ATP6V1E1: variants seen among roughly 807,000 people sequenced by gnomAD.
ATP6V1E1 encodes V-type proton ATPase subunit E 1.
Under a neutral mutation model 35.2 loss-of-function variants are expected in ATP6V1E1, and 21 were observed. That is an observed-to-expected ratio of 0.60 (90% CI 0.42 to 0.86). ATP6V1E1 has a LOEUF of 0.86. ATP6V1E1 is among the 40% of genes least tolerant of loss of function. The probability of loss-of-function intolerance (pLI) is 0.00; values close to 1 mark genes in which losing one functional copy is unlikely to be tolerated. For missense variants in ATP6V1E1, 183 were observed against 272.6 expected (o/e 0.67, Z 2.32); for synonymous variants, 83 against 87.8 (o/e 0.95, Z 0.30).
At position 17,600,027 on chromosome 22, in the gene ATP6V1E1, C is replaced by T. The variant is rs200504228; in HGVS notation, c.435G>A (p.Lys145=). The T allele has an allele frequency of 2.6e-4, 418 of 1,612,586 alleles. No individual in the cohort carries two copies. Among genetic ancestry groups the T allele is most frequent in the Non-Finnish European group, 3.4e-4 (405 of 1,178,952 alleles). The change falls in exon 6 of 9, where the codon AAG becomes AAA. Residue 145 remains lysine, a splice_region_variant and synonymous_variant. Coordinates refer to ENST00000253413, the MANE Select transcript of ATP6V1E1 (RefSeq NM_001696.4). ...RCRKQDFPLV[K]AAVQKAIPMY... Reference sequence around the variant, plus strand: ...GAAAAAATTATCCTAAGTTCTTTACCTTTACCAGAGGGAAATCTTGTTTCC... The same window carrying T: ...GAAAAAATTATCCTAAGTTCTTTACTTTTACCAGAGGGAAATCTTGTTTCC...
At chr22:17,594,427 A>G in intron 8 of ATP6V1E1, 102 bp downstream of exon 8, 2 of 950,918 alleles carry the variant, frequency 2.1e-6, no homozygotes, top group Non-Finnish European at 2.9e-6. Context: ...CCAAAACTGG[A>G]AAGACAGCAA....
chr22:17,617,241 A>G (rs2057850852), intron 2 of ATP6V1E1, among the ~76,000 whole-genome samples: 1 of 152,220 alleles, frequency 6.6e-6, no homozygotes, highest in South Asian at 2.1e-4. Context: ...TTAAGGCTGT[A>G]CTAAAAGGAC....
intron 4 of ATP6V1E1, among the ~76,000 whole-genome samples, chr22:17,605,479 G>A (rs2057782000): frequency 6.6e-6 from 1 of 151,974 alleles, no homozygotes; most frequent in Non-Finnish European, 1.5e-5. Context: ...GCAGTGAGCC[G>A]AGATTGCACC....
chr22:17,608,734 T>C (rs1324527617), intron 4 of ATP6V1E1, among the ~76,000 whole-genome samples: 2 of 152,214 alleles, frequency 1.3e-5, no homozygotes, highest in African/African-American at 4.8e-5. Flanking sequence ...GGCTAGCCCA[T>C]CTCTGAAAGA....
chr22:17,616,838 G>A (rs1314651370), intron 2 of ATP6V1E1, among the ~76,000 whole-genome samples: 3 of 66,440 alleles, frequency 4.5e-5, no homozygotes, highest in East Asian at 3.0e-4. Context: ...CACGAGGTCA[G>A]GAGATCGAGA....
intron 4 of ATP6V1E1, among the ~76,000 whole-genome samples, chr22:17,608,284 T>C (rs779933995): frequency 6.6e-6 from 1 of 152,208 alleles, no homozygotes; most frequent in Non-Finnish European, 1.5e-5. Flanking sequence ...AACCAGAATT[T>C]TGTTTGCAAC....
At chr22:17,619,623 C>T (rs903401417) in intron 1 of ATP6V1E1, 97 bp from the exon 2 acceptor site, 15 of 1,056,026 alleles carry the variant, frequency 1.4e-5, no homozygotes, top group African/African-American at 3.2e-5. Context: ...CAGTGGCTCA[C>T]GCCCGTAATC....
intron 3 of ATP6V1E1, 166 bp downstream of exon 3, chr22:17,613,045 G>T: frequency 2.3e-6 from 2 of 887,546 alleles, no homozygotes; most frequent in Non-Finnish European, 3.5e-6. Flanking sequence ...GAATAATCCT[G>T]TCAGGCTTTA....
At chr22:17,592,917 A>T (rs1320425312) in intron 8 of ATP6V1E1, among the ~76,000 whole-genome samples, 181 bp from the exon 9 acceptor site, 1 of 151,662 alleles carries the variant, frequency 6.6e-6, no homozygotes, top group Non-Finnish European at 1.5e-5. Context: ...CCTCCCAAGT[A>T]GATGGGACTA....
At chr22:17,621,876 G>A (rs534471281) in intron 1 of ATP6V1E1, among the ~76,000 whole-genome samples, 1 of 152,172 alleles carries the variant, frequency 6.6e-6, no homozygotes, top group South Asian at 2.1e-4. Flanking sequence ...TGTAATTGTT[G>A]CTTATTTGTC....
chr22:17,601,299 AT>A, intron 4 of ATP6V1E1, 118 bp from the exon 5 acceptor site: 1 of 750,674 alleles, frequency 1.3e-6, no homozygotes, highest in Non-Finnish European at 2.2e-6. Flanking sequence ...CTGGATTTTC[AT>A]TCAACACACA....
chr22:17,615,832 A>G (rs982189208), intron 2 of ATP6V1E1, among the ~76,000 whole-genome samples: 2 of 152,158 alleles, frequency 1.3e-5, no homozygotes, highest in Non-Finnish European at 2.9e-5. Flanking sequence ...GGAGATCAAG[A>G]TCACCCTGGC....
chr22:17,612,317 A>G (rs1259342881), intron 4 of ATP6V1E1, among the ~76,000 whole-genome samples: 2 of 152,164 alleles, frequency 1.3e-5, no homozygotes, highest in African/African-American at 4.8e-5. Flanking sequence ...TATGCTTCTG[A>G]AGGTTTCTGC....
chr22:17,607,744 T>C (rs1250042952), intron 4 of ATP6V1E1, among the ~76,000 whole-genome samples: 3 of 152,162 alleles, frequency 2.0e-5, no homozygotes, highest in Non-Finnish European at 4.4e-5. Context: ...TGCACCAAGA[T>C]TACCCTGAGC....
In ATP6V1E1 at chr22:17,600,044, C is replaced by G; in HGVS notation, c.418G>C (p.Asp140His). 1.2e-6 allele frequency: 2 copies of G among 1,613,788 alleles called. No homozygotes were observed. Among genetic ancestry groups the G allele is most frequent in the Non-Finnish European group, 1.7e-6 (2 of 1,179,836 alleles). ...PRMIVRCRKQ[D>H]FPLVKAAVQK... ...TTCTTTACCTTTACCAGAGGGAAATCTTGTTTCCTGCAACGAACAATCATT... is the reference window on the plus strand; with the variant it reads ...TTCTTTACCTTTACCAGAGGGAAATGTTGTTTCCTGCAACGAACAATCATT... Residue 140 changes from aspartate (D) to histidine (H), a missense_variant, in exon 6 of 9, where the codon GAT becomes CAT. Asp to His is a moderately conservative substitution (Grantham distance 81). Coordinates refer to ENST00000253413, the MANE Select transcript of ATP6V1E1 (RefSeq NM_001696.4).
chr22:17,607,144 G>T, intron 4 of ATP6V1E1, among the ~76,000 whole-genome samples: 1 of 151,392 alleles, frequency 6.6e-6, no homozygotes, highest in East Asian at 1.9e-4. Flanking sequence ...TTCTTTACCT[G>T]TTCTTCCTAT....
In ATP6V1E1 at chr22:17,622,695, G is replaced by C. The variant is rs112410308; in HGVS notation, c.34-3169C>G. Among the ~76,000 whole-genome samples, 1,227 of 152,234 alleles carry C rather than the reference G, an allele frequency of 8.1e-3. 13 individuals are homozygous for C. The highest frequency in any genetic ancestry group is 0.027 in the African/African-American group (1,119 of 41,546). On this transcript the variant is annotated intron_variant, in intron 1 of 8. Transcript: ENST00000253413. ...AAGAAAACACTACTGCCTGGGTATGGTGGCTCATGCCTGTAATCCCAAGAC... is the reference window on the plus strand; with the variant it reads ...AAGAAAACACTACTGCCTGGGTATGCTGGCTCATGCCTGTAATCCCAAGAC...
Position 17,592,752 on chromosome 22 carries a change from GT to G in ATP6V1E1, c.619-17del. On this transcript the variant is annotated splice_polypyrimidine_tract_variant and intron_variant, in intron 8 of 8. Coordinates refer to ENST00000253413, the MANE Select transcript of ATP6V1E1 (RefSeq NM_001696.4). ...CTGGCATCATCTGTGGAGAGAAAGT[GT>G]AATAAATACGCAATGTCAGCTGAAG... is the stretch of plus-strand genomic sequence containing the variant. 2 of 1,575,078 alleles carry G rather than the reference GT, an allele frequency of 1.3e-6. No homozygotes were observed. The highest frequency in any genetic ancestry group is 1.4e-5 in the African/African-American group (1 of 73,590).
At chr22:17,613,109 T>C in intron 3 of ATP6V1E1, 102 bp downstream of exon 3, 1 of 979,196 alleles carries the variant, frequency 1.0e-6, no homozygotes, top group South Asian at 1.5e-5. Flanking sequence ...TAGTAGTAGG[T>C]GGTCGAGTTA....
Sources: allele counts gnomAD v4.1 joint callset (sites outside exome capture counted in the v4.1 genomes callset), GRCh38; gene constraint gnomAD v4.1.1; transcripts MANE v1.5; gene names NCBI Gene and HGNC (gene_info 2026-07-23, HGNC 2026-07-21).